The following PRKAR2B variants were observed in gnomAD, a reference collection of about 807,000 sequenced individuals.
The protein encoded by PRKAR2B is protein kinase cAMP-dependent type II regulatory subunit beta.
PRKAR2B carries 14 observed loss-of-function variants against 49.9 expected under a neutral mutation model. The ratio of observed to expected loss-of-function variants is 0.28; its 90% confidence interval spans 0.19 to 0.44. PRKAR2B has a LOEUF of 0.44. Among genes scored for constraint, PRKAR2B ranks in the 20% least tolerant of loss-of-function variants. The pLI is 1.00. For synonymous variants in PRKAR2B, 196 were observed against 197.7 expected (o/e 0.99, Z 0.07); for missense variants, 393 against 537.9 (o/e 0.73, Z 2.67).
At chr7:107,106,581 C>T (rs900733542) in intron 2 of PRKAR2B, among the ~76,000 whole-genome samples, 1 of 152,210 alleles carries the variant, frequency 6.6e-6, no homozygotes, top group Admixed American at 6.5e-5. Flanking sequence ...TGTGGACTCT[C>T]CCTCCATCTC....
chr7:107,055,226 G>A (rs564377710), intron 1 of PRKAR2B, among the ~76,000 whole-genome samples: 1 of 152,222 alleles, frequency 6.6e-6, no homozygotes, highest in South Asian at 2.1e-4. Flanking sequence ...TGGACATTTG[G>A]GTTGGTTCCA....
At chr7:107,158,476 A>G (rs545367937) in intron 10 of PRKAR2B, among the ~76,000 whole-genome samples, 15 of 152,224 alleles carry the variant, frequency 9.9e-5, no homozygotes, top group African/African-American at 3.6e-4. Context: ...AAAGTTCATT[A>G]TCGCTTAGGA....
chr7:107,124,722 T>C (rs1225136319), intron 3 of PRKAR2B, among the ~76,000 whole-genome samples: 1 of 152,190 alleles, frequency 6.6e-6, no homozygotes, highest in African/African-American at 2.4e-5. Flanking sequence ...GCCTGACCGA[T>C]ATACAGTGTT....
intron 1 of PRKAR2B, among the ~76,000 whole-genome samples, chr7:107,066,041 C>G (rs1257519245): frequency 1.3e-5 from 2 of 152,160 alleles, no homozygotes; most frequent in African/African-American, 4.8e-5. Flanking sequence ...CAGAAGATAT[C>G]TCTGGTTATA....
At chr7:107,121,100 G>A (rs1243648188) in intron 2 of PRKAR2B, among the ~76,000 whole-genome samples, 2 of 151,526 alleles carry the variant, frequency 1.3e-5, no homozygotes, top group Non-Finnish European at 2.9e-5. Context: ...CTGTTGTACA[G>A]TTAGGGGGGT....
chr7:107,056,076 C>T (rs1416134190), intron 1 of PRKAR2B, among the ~76,000 whole-genome samples: 1 of 152,162 alleles, frequency 6.6e-6, no homozygotes, highest in East Asian at 1.9e-4. Flanking sequence ...ATAGGGAATC[C>T]TTTCCCCATT....
intron 3 of PRKAR2B, among the ~76,000 whole-genome samples, chr7:107,122,684 A>G (rs897034490): frequency 1.3e-5 from 2 of 152,206 alleles, no homozygotes; most frequent in African/African-American, 4.8e-5. Context: ...CTTAAACAGT[A>G]TAAACAAAAA....
intron 3 of PRKAR2B, 145 bp from the exon 4 acceptor site, chr7:107,128,067 A>T: frequency 1.6e-6 from 1 of 609,482 alleles, no homozygotes; most frequent in Non-Finnish European, 2.9e-6. Context: ...ACCAAAAGTG[A>T]ATCTCAGCAC....
chr7:107,093,534 T>C (rs1794773385), intron 2 of PRKAR2B, among the ~76,000 whole-genome samples: 1 of 151,640 alleles, frequency 6.6e-6, no homozygotes, highest in African/African-American at 2.4e-5. Flanking sequence ...TATTATACTT[T>C]AAGTTCTAGG....
chr7:107,078,682 C>T (rs1415386713), intron 2 of PRKAR2B, among the ~76,000 whole-genome samples: 5 of 152,216 alleles, frequency 3.3e-5, no homozygotes, highest in Admixed American at 6.5e-5. Flanking sequence ...TTTACTGATA[C>T]TTAAGCAACC....
At chr7:107,070,733 TTTTGTTTG>T (rs947635996) in intron 2 of PRKAR2B, among the ~76,000 whole-genome samples, 1 of 152,146 alleles carries the variant, frequency 6.6e-6, no homozygotes, top group African/African-American at 2.4e-5. Flanking sequence ...GTGAGTGTTT[TTTTGTTTG>T]TTTGTTTGTT....
intron 3 of PRKAR2B, 66 bp from the exon 4 acceptor site, chr7:107,128,146 T>A: frequency 9.4e-7 from 1 of 1,064,394 alleles, no homozygotes; most frequent in Non-Finnish European, 1.4e-6. Context: ...TGTTAGTTTT[T>A]AAAATCTCTT....
At chr7:107,092,584 T>C (rs1794750918) in intron 2 of PRKAR2B, among the ~76,000 whole-genome samples, 1 of 152,170 alleles carries the variant, frequency 6.6e-6, no homozygotes, top group Admixed American at 6.6e-5. Context: ...TTCAGTGTTA[T>C]AGTTGTTGCT....
At chr7:107,082,808 GT>G (rs1222412798) in intron 2 of PRKAR2B, among the ~76,000 whole-genome samples, 1 of 152,098 alleles carries the variant, frequency 6.6e-6, no homozygotes, top group Non-Finnish European at 1.5e-5. Context: ...TGTTGTCAAG[GT>G]TGGTCTTGAA....
Position 107,121,649 on chromosome 7 carries a change from T to G in PRKAR2B, c.344-303T>G, listed in dbSNP as rs2237655. ...CAGCCTTTTCTTTTGTTTCTGTTCC[T>G]TTAGGTAATGTTTAGATATCATGCC... On this transcript the variant is annotated intron_variant, in intron 2 of 10. Transcript: ENST00000265717. Among the ~76,000 whole-genome samples, 168 of 152,268 alleles carry G rather than the reference T, an allele frequency of 1.1e-3. 3 individuals are homozygous for G. In the East Asian group the frequency reaches 0.03, roughly 27 times the overall value.
chr7:107,097,795 C>G (rs10256083), intron 2 of PRKAR2B, among the ~76,000 whole-genome samples: 4,665 of 152,230 alleles, frequency 0.031, 237 homozygotes, highest in African/African-American at 0.1. Context: ...ATATGAAATT[C>G]TGGGTTGAAA....
chr7:107,110,223 C>T (rs1011607630), intron 2 of PRKAR2B, among the ~76,000 whole-genome samples: 1 of 152,162 alleles, frequency 6.6e-6, no homozygotes, highest in African/African-American at 2.4e-5. Context: ...AATATTTAAA[C>T]CAGCCCTAGC....
chr7:107,143,737 C>T (rs1274616841), intron 5 of PRKAR2B, among the ~76,000 whole-genome samples: 1 of 152,066 alleles, frequency 6.6e-6, no homozygotes, highest in Non-Finnish European at 1.5e-5. Flanking sequence ...TCAATGTACA[C>T]AAATTTGGTT....
intron 1 of PRKAR2B, among the ~76,000 whole-genome samples, chr7:107,048,063 TTGCCCAGTGTTTCACGTGAGC>T (rs1182243740): frequency 1.3e-5 from 2 of 151,878 alleles, no homozygotes; most frequent in African/African-American, 4.8e-5. Context: ...AGGCCATCAC[TTGCCCAGTGTTTCACGTGAGC>T]TGCAAAATCA....
Sources: gnomAD v4.1 joint callset for allele counts (sites outside exome capture counted in the v4.1 genomes callset) on GRCh38, gnomAD v4.1.1 for gene constraint, MANE v1.5 for transcripts, NCBI Gene and HGNC (gene_info 2026-07-23, HGNC 2026-07-21) for gene names.